SUPT3H: variants seen among roughly 807,000 people sequenced by gnomAD.
SUPT3H encodes the protein transcription initiation protein SPT3 homolog.
A neutral mutation model predicts 44.3 loss-of-function variants in SUPT3H; 44 were observed. That is an observed-to-expected ratio of 0.99 (90% confidence interval 0.78 to 1.28). The LOEUF (loss-of-function observed/expected upper bound fraction) is 1.28, where lower values mean the gene tolerates loss of function less well. Ranked by LOEUF, SUPT3H falls within the 50% of genes most tolerant of loss-of-function variation. The pLI is 0.00. For missense variants in SUPT3H, 380 were observed against 387.1 expected, an observed-to-expected ratio of 0.98 and a Z score of 0.15; for synonymous variants, 124 against 125.6, an observed-to-expected ratio of 0.99 and a Z score of 0.09.
chr6:44,971,992 T>C (rs1777640470), intron 6 of SUPT3H, among the ~76,000 whole-genome samples: 1 of 151,944 alleles, frequency 6.6e-6, no homozygotes, highest in Non-Finnish European at 1.5e-5. Context: ...GCCAGGATGG[T>C]CTCTATCTCC....
At chr6:45,295,483 A>G (rs1262443931) in intron 2 of SUPT3H, among the ~76,000 whole-genome samples, 1 of 150,034 alleles carries the variant, frequency 6.7e-6, no homozygotes, top group Non-Finnish European at 1.5e-5. Flanking sequence ...GAACAAAGAT[A>G]AATTTCTGGG....
chr6:45,278,498 A>T (rs1186848261), intron 2 of SUPT3H, among the ~76,000 whole-genome samples: 1 of 152,206 alleles, frequency 6.6e-6, no homozygotes, highest in African/African-American at 2.4e-5. Flanking sequence ...ATTTGGGCAA[A>T]GAAAAAGCCC....
chr6:44,980,231 G>A (rs1157321904), intron 6 of SUPT3H, among the ~76,000 whole-genome samples: 3 of 150,310 alleles, frequency 2.0e-5, no homozygotes, highest in Non-Finnish European at 4.4e-5. Context: ...AGGGTAGGGA[G>A]TGTACCCTTT....
chr6:45,058,645 C>T (rs139786986), intron 3 of SUPT3H, among the ~76,000 whole-genome samples: 296 of 152,170 alleles, frequency 1.9e-3, no homozygotes, highest in African/African-American at 6.6e-3. Context: ...CTAAAAGGAG[C>T]GTTCAGCTAT....
intron 2 of SUPT3H, among the ~76,000 whole-genome samples, chr6:45,171,820 C>T (rs1327360741): frequency 4.3e-5 from 6 of 138,560 alleles, no homozygotes; most frequent in Non-Finnish European, 6.0e-5. Context: ...CAGGTTCAAG[C>T]GATTCTCCTG....
At chr6:45,018,814 T>C (rs1376338540) in intron 4 of SUPT3H, among the ~76,000 whole-genome samples, 2 of 151,992 alleles carry the variant, frequency 1.3e-5, no homozygotes. Flanking sequence ...TTCTCTTTTT[T>C]GGTTGTGTCT....
At chr6:45,077,648 G>A (rs72867500) in intron 3 of SUPT3H, among the ~76,000 whole-genome samples, 810 of 104,390 alleles carry the variant, frequency 7.8e-3, no homozygotes, top group Middle Eastern at 0.036. Context: ...AAAAAGAAAA[G>A]AAAAAAAAAA....
chr6:45,376,815 A>G (rs1028364445), intron 1 of SUPT3H, among the ~76,000 whole-genome samples: 1 of 152,234 alleles, frequency 6.6e-6, no homozygotes, highest in African/African-American at 2.4e-5. Flanking sequence ...TGCCCTTCAC[A>G]TATACTAAGA....
At chr6:44,987,684 CTTTT>C (rs1461277082) in intron 6 of SUPT3H, among the ~76,000 whole-genome samples, 1 of 151,552 alleles carries the variant, frequency 6.6e-6, no homozygotes, top group Non-Finnish European at 1.5e-5. Flanking sequence ...TAGTTGAAAG[CTTTT>C]TTTGTTTGTT....
chr6:45,127,330 A>G (rs1186896211), intron 2 of SUPT3H, among the ~76,000 whole-genome samples: 1 of 152,124 alleles, frequency 6.6e-6, no homozygotes, highest in African/African-American at 2.4e-5. Flanking sequence ...AATAAATAAT[A>G]ATAAAAATAA....
intron 1 of SUPT3H, among the ~76,000 whole-genome samples, chr6:45,371,713 T>C (rs948603243): frequency 2.6e-5 from 4 of 152,218 alleles, no homozygotes; most frequent in Non-Finnish European, 5.9e-5. Flanking sequence ...GACTGATGAC[T>C]TTAAACACTC....
At chr6:44,902,025 A>G (rs373168670) in intron 10 of SUPT3H, among the ~76,000 whole-genome samples, 4 of 152,170 alleles carry the variant, frequency 2.6e-5, no homozygotes, top group African/African-American at 7.2e-5. Context: ...TGAAGGAAGC[A>G]CTAAACATGG....
intron 3 of SUPT3H, among the ~76,000 whole-genome samples, chr6:45,075,451 A>G (rs1280779059): frequency 6.6e-6 from 1 of 152,144 alleles, no homozygotes; most frequent in African/African-American, 2.4e-5. Context: ...TTAATCATCT[A>G]CAAAACAACC....
chr6:45,358,611 A>G (rs1210685282), intron 2 of SUPT3H, among the ~76,000 whole-genome samples: 1 of 152,200 alleles, frequency 6.6e-6, no homozygotes. Flanking sequence ...GCCAGGAACT[A>G]CACTATGTGT....
chr6:45,127,391 A>C (rs1166645957), intron 2 of SUPT3H, among the ~76,000 whole-genome samples: 1 of 152,152 alleles, frequency 6.6e-6, no homozygotes, highest in Non-Finnish European at 1.5e-5. Context: ...GACATCATAC[A>C]CTTCCCAGGC....
At chr6:44,925,799 C>T (rs1475321046) in intron 10 of SUPT3H, among the ~76,000 whole-genome samples, 2 of 152,274 alleles carry the variant, frequency 1.3e-5, no homozygotes, top group South Asian at 4.1e-4. Context: ...CTCTTTACTT[C>T]TAACCCTGAA....
chr6:44,934,532 T>A (rs1280457247), intron 9 of SUPT3H, among the ~76,000 whole-genome samples: 3 of 152,194 alleles, frequency 2.0e-5, no homozygotes, highest in Non-Finnish European at 2.9e-5. Context: ...TGTGTTCCCC[T>A]AAAATTTGTA....
chr6:44,998,440 C>T (rs965919885), intron 6 of SUPT3H, among the ~76,000 whole-genome samples: 2 of 151,882 alleles, frequency 1.3e-5, no homozygotes, highest in Non-Finnish European at 2.9e-5. Context: ...TCATTATTCA[C>T]TGCTAATTTT....
chr6:44,903,965 T>C (rs1354297064), intron 10 of SUPT3H, among the ~76,000 whole-genome samples: 1 of 152,258 alleles, frequency 6.6e-6, no homozygotes, highest in East Asian at 1.9e-4. Context: ...AAAAGGCCTT[T>C]GACAAAATTC....
Sources: allele counts gnomAD v4.1 joint callset (sites outside exome capture counted in the v4.1 genomes callset), GRCh38; gene constraint gnomAD v4.1.1; transcripts MANE v1.5; gene names NCBI Gene and HGNC (gene_info 2026-07-23, HGNC 2026-07-21).